PRSS3: variants seen among roughly 807,000 people sequenced by gnomAD.
PRSS3 encodes serine protease 3.
In PRSS3, 14 loss-of-function variants were observed where a neutral mutation model predicts 20.8. The ratio of observed to expected loss-of-function variants is 0.67; its 90% CI spans 0.44 to 1.05. The LOEUF (loss-of-function observed/expected upper bound fraction) is 1.05. Ranked by LOEUF, PRSS3 falls within the 50% of genes least tolerant of loss-of-function variation. The probability of loss-of-function intolerance (pLI) is 0.00; values close to 1 mark genes in which losing one functional copy is unlikely to be tolerated. For synonymous variants in PRSS3, 91 were observed against 117.6 expected, an observed-to-expected ratio of 0.77 and a Z score of 1.46; for missense variants, 237 against 306.4, an observed-to-expected ratio of 0.77 and a Z score of 1.69.
At chr9:33,784,900 A>T (rs1159661784) in intron 1 of PRSS3, among the ~76,000 whole-genome samples, 3 of 152,194 alleles carry the variant, frequency 2.0e-5, no homozygotes, top group Admixed American at 1.3e-4. Context: ...TCCTGACTCT[A>T]TCACTTACTC....
chr9:33,750,711 C>A lies in PRSS3; in HGVS notation c.-69C>A. On this transcript the variant is annotated 5_prime_UTR_variant, in exon 1 of 6. Coordinates refer to the PRSS3 transcript ENST00000342836. The surrounding 1 kb of genome is among the most constrained non-coding windows in gnomAD (Gnocchi z 4.8). The stretch of plus-strand genomic sequence containing the variant: ...GAGCGGCGCGGGATGCAGACGGCTG[C>A]GAGGCGCTGGGCACAGGTCAGACGT... 2 of 1,444,464 alleles carry A rather than the reference C, an allele frequency of 1.4e-6. No individual in the cohort carries two copies. The highest frequency in any genetic ancestry group is 9.1e-7 in the Non-Finnish European group (1 of 1,104,600). The allele number at this position is 1,444,464 out of a possible 1,614,324, so 89.5% of individuals were successfully genotyped here.
chr9:33,752,395 G>A (rs1004850409), intron 1 of PRSS3, among the ~76,000 whole-genome samples: 3 of 152,190 alleles, frequency 2.0e-5, no homozygotes, highest in Non-Finnish European at 2.9e-5. Flanking sequence ...TGTAAAATGG[G>A]TGAGGACAGT....
At position 33,757,043 on chromosome 9, in the gene PRSS3, T is replaced by C. The variant is rs1356655446; in HGVS notation, c.-53+6316T>C. Reference sequence around the variant, plus strand: ...CTAGTACATATAATGGGTTTCTCTGTAGAAAGATCTCATTTCTAGCCATTT... The same window carrying C: ...CTAGTACATATAATGGGTTTCTCTGCAGAAAGATCTCATTTCTAGCCATTT... On this transcript the variant is annotated intron_variant, in intron 1 of 5. Coordinates refer to the PRSS3 transcript ENST00000342836. Among the ~76,000 whole-genome samples, 5 of 152,230 alleles carry C rather than the reference T, an allele frequency of 3.3e-5. No homozygotes were observed. In the South Asian group the frequency reaches 6.2e-4, roughly 19 times the overall value.
intron 1 of PRSS3, among the ~76,000 whole-genome samples, chr9:33,752,148 C>A (rs375579188): frequency 5.9e-5 from 9 of 152,262 alleles, no homozygotes; most frequent in East Asian, 3.9e-4. Flanking sequence ...CCCCCACTTA[C>A]TTATCCTCAG....
At chr9:33,781,934 C>A (rs991478843) in intron 1 of PRSS3, among the ~76,000 whole-genome samples, 2 of 152,152 alleles carry the variant, frequency 1.3e-5, no homozygotes, top group African/African-American at 2.4e-5. Context: ...TGGTTCACAG[C>A]CAATGCATTG....
At chr9:33,757,430 T>G (rs2118761176) in intron 1 of PRSS3, among the ~76,000 whole-genome samples, 1 of 152,192 alleles carries the variant, frequency 6.6e-6, no homozygotes, top group East Asian at 1.9e-4. Flanking sequence ...AATTTTTCCC[T>G]TGTACAGCCC....
At chr9:33,769,582 C>G (rs941191843) in intron 1 of PRSS3, among the ~76,000 whole-genome samples, 3 of 152,244 alleles carry the variant, frequency 2.0e-5, no homozygotes, top group African/African-American at 7.2e-5. Context: ...CCAGCCAGTA[C>G]AGCGATATGG....
Position 33,755,767 on chromosome 9 carries a change from G to A in PRSS3, c.-53+5040G>A, listed in dbSNP as rs141156935. On this transcript the variant is annotated intron_variant, in intron 1 of 5. Transcript: ENST00000342836. ...CAAGAACTCATTTCCTGGAGCCAAG[G>A]AAACTCATGGGGGCCCTCTGAGTGC... Among the ~76,000 whole-genome samples the A allele has an allele frequency of 6.1e-3, 929 of 152,228 alleles. 2 individuals carry two copies. The highest frequency in any genetic ancestry group is 0.01 in the Middle Eastern group (3 of 294).
At chr9:33,775,223 T>C (rs751166791) in intron 1 of PRSS3, among the ~76,000 whole-genome samples, 7 of 152,140 alleles carry the variant, frequency 4.6e-5, no homozygotes, top group Non-Finnish European at 1.0e-4. Context: ...AAGTAGGAGA[T>C]TGTGGCTTTT....
chr9:33,784,874 T>A (rs544790199), intron 1 of PRSS3, among the ~76,000 whole-genome samples: 1 of 152,202 alleles, frequency 6.6e-6, no homozygotes, highest in Non-Finnish European at 1.5e-5. Context: ...TGTGATCACA[T>A]AGGCATTGAT....
chr9:33,757,895 A>G (rs1316913746), intron 1 of PRSS3, among the ~76,000 whole-genome samples: 2 of 152,200 alleles, frequency 1.3e-5, no homozygotes, highest in Admixed American at 1.3e-4. Flanking sequence ...TGGAATAGCT[A>G]TAAGAAAACA....
At chr9:33,761,523 A>G (rs1248488369) in intron 1 of PRSS3, among the ~76,000 whole-genome samples, 5 of 152,128 alleles carry the variant, frequency 3.3e-5, no homozygotes, top group Non-Finnish European at 5.9e-5. Flanking sequence ...CCTGACCAAC[A>G]TGGAGAAACC....
chr9:33,798,322 T>C (rs1202575078), intron 3 of PRSS3, 164 bp from the exon 4 acceptor site: 1 of 1,296,866 alleles, frequency 7.7e-7, no homozygotes, highest in African/African-American at 1.5e-5. Flanking sequence ...GGTTCAACAA[T>C]GATCATTCTG....
chr9:33,759,828 G>A (rs1019937846), intron 1 of PRSS3, among the ~76,000 whole-genome samples: 12 of 152,068 alleles, frequency 7.9e-5, no homozygotes, highest in African/African-American at 1.7e-4. Flanking sequence ...AAGAGGAAAC[G>A]GAAGTAAGGG....
chr9:33,766,252 A>G (rs1823409262), intron 1 of PRSS3, among the ~76,000 whole-genome samples: 1 of 117,000 alleles, frequency 8.5e-6, no homozygotes, highest in Admixed American at 1.0e-4. Context: ...CAACAGAGCC[A>G]GATTCCGTCT....
Position 33,750,860 on chromosome 9 carries a change from G to C in PRSS3, c.-53+133G>C. 7.2e-7 allele frequency: 1 copy of C among 1,382,768 alleles called. No homozygotes were observed. The allele number at this position is 1,382,768 out of a possible 1,614,324, so 85.7% of individuals were successfully genotyped here. On this transcript the variant is annotated intron_variant, in intron 1 of 5. Coordinates refer to the PRSS3 transcript ENST00000342836. The surrounding 1 kb of genome is among the most constrained non-coding windows in gnomAD (Gnocchi z 4.8). ...TGGGACCTGCGGGGGAGGGTACGCG[G>C]ACAGGGAGGGGATACCGACTGGGAG...
At chr9:33,793,273 T>C (rs1421119658), upstream of PRSS3, among the ~76,000 whole-genome samples, 4 of 152,356 alleles carry the variant, frequency 2.6e-5, no homozygotes, top group Non-Finnish European at 5.9e-5. Flanking sequence ...CCTCCCTATT[T>C]AGTGCACACT....
intron 1 of PRSS3, among the ~76,000 whole-genome samples, chr9:33,766,163 G>C (rs577572715): frequency 1.4e-3 from 208 of 151,054 alleles, no homozygotes; most frequent in Middle Eastern, 6.8e-3. Context: ...TACTCGGGAG[G>C]CTGAGGCAGG....
chr9:33,779,867 TAAAAAAAAAAAAAAA>T (rs35501160), intron 1 of PRSS3, among the ~76,000 whole-genome samples: 30 of 31,854 alleles, frequency 9.4e-4, no homozygotes, highest in Middle Eastern at 0.056. Context: ...AGACTCTGTC[TAAAAAAAAAAAAAAA>T]AAAAAAAAAA....
Sources: gnomAD v4.1 joint callset for allele counts (sites outside exome capture counted in the v4.1 genomes callset) on GRCh38, gnomAD v4.1.1 for gene constraint, Gnocchi (gnomAD v3.1) non-coding constraint, MANE v1.5 for transcripts, NCBI Gene and HGNC (gene_info 2026-07-23, HGNC 2026-07-21) for gene names.